The following JARID2 variants were observed in gnomAD, a reference collection of about 807,000 sequenced individuals.
JARID2 encodes jumonji and AT-rich interaction domain containing 2.
In JARID2, 21 loss-of-function variants were observed where a neutral mutation model predicts 125.6. The ratio of observed to expected loss-of-function variants is 0.17; its 90% CI spans 0.12 to 0.24. The LOEUF (loss-of-function observed/expected upper bound fraction) is 0.24. Among genes scored for constraint, JARID2 ranks in the 10% least tolerant of loss-of-function variants. JARID2 has a pLI of 1.00. For synonymous variants in JARID2, 736 were observed against 661.6 expected, an observed-to-expected ratio of 1.11 and a Z score of -1.73; for missense variants, 1,303 against 1,639.6, an observed-to-expected ratio of 0.79 and a Z score of 3.55.
intron 3 of JARID2, among the ~76,000 whole-genome samples, chr6:15,441,409 G>T (rs530885661): frequency 9.9e-5 from 15 of 152,218 alleles, no homozygotes; most frequent in African/African-American, 3.4e-4. Context: ...TTCCCCTTAG[G>T]GGTGATCCCA....
chr6:15,253,767 C>T (rs537065680), intron 1 of JARID2, among the ~76,000 whole-genome samples: 1 of 152,306 alleles, frequency 6.6e-6, no homozygotes, highest in East Asian at 1.9e-4. Flanking sequence ...GATGACGACA[C>T]AACACCCACT....
intron 1 of JARID2, among the ~76,000 whole-genome samples, chr6:15,321,507 T>G (rs1381194610): frequency 6.6e-6 from 1 of 152,186 alleles, no homozygotes; most frequent in Non-Finnish European, 1.5e-5. Context: ...TCTGCTCTGT[T>G]TCTTAAATGT....
intron 1 of JARID2, among the ~76,000 whole-genome samples, chr6:15,255,465 T>C (rs1489416156): frequency 1.3e-5 from 2 of 152,118 alleles, no homozygotes; most frequent in Non-Finnish European, 2.9e-5. Flanking sequence ...GTGAAAAGGA[T>C]AGGTTGTGTG....
At chr6:15,336,094 TG>T (rs1561799469) in intron 1 of JARID2, among the ~76,000 whole-genome samples, 2 of 129,232 alleles carry the variant, frequency 1.5e-5, no homozygotes. Flanking sequence ...GGTGAATGAA[TG>T]AATGAATGAA....
Position 15,451,229 on chromosome 6 carries a change from C to T in JARID2, c.324-777C>T, listed in dbSNP as rs143709067. On this transcript the variant is annotated intron_variant, in intron 3 of 17. Coordinates refer to ENST00000341776, the MANE Select transcript of JARID2 (RefSeq NM_004973.4). ...GAAAGGAATTTCTACGTAAGATATTCAGGTGAAAGGAATTGAAATGTACTC... is the reference window on the plus strand; with the variant it reads ...GAAAGGAATTTCTACGTAAGATATTTAGGTGAAAGGAATTGAAATGTACTC... Among the ~76,000 whole-genome samples, 8 of 152,254 alleles carry T rather than the reference C, an allele frequency of 5.3e-5. No individual in the cohort carries two copies. The East Asian group carries it at 1.5e-3, about 29-fold the overall frequency.
intron 1 of JARID2, among the ~76,000 whole-genome samples, chr6:15,301,501 G>C (rs1026394296): frequency 3.9e-5 from 6 of 152,104 alleles, no homozygotes; most frequent in Non-Finnish European, 8.8e-5. Flanking sequence ...TGACTGTGGA[G>C]GTTAACTTAC....
intron 1 of JARID2, among the ~76,000 whole-genome samples, chr6:15,284,038 T>C (rs1760897815): frequency 6.6e-6 from 1 of 152,206 alleles, no homozygotes; most frequent in African/African-American, 2.4e-5. Flanking sequence ...GTTTTTTCTT[T>C]CATAGAAGTT....
chr6:15,288,944 G>A (rs1761101742), intron 1 of JARID2, among the ~76,000 whole-genome samples: 3 of 152,204 alleles, frequency 2.0e-5, no homozygotes. Flanking sequence ...AGCTTCTCTC[G>A]TTAGTGAGCA....
intron 1 of JARID2, among the ~76,000 whole-genome samples, chr6:15,322,943 G>A (rs1393084467): frequency 6.6e-6 from 1 of 152,210 alleles, no homozygotes; most frequent in Non-Finnish European, 1.5e-5. Context: ...TTAAACCAGA[G>A]AGAAAAATTC....
intron 5 of JARID2, among the ~76,000 whole-genome samples, chr6:15,474,665 A>ATC (rs1375523001): frequency 6.6e-6 from 1 of 152,174 alleles, no homozygotes; most frequent in Non-Finnish European, 1.5e-5. Flanking sequence ...AGCCATTCAG[A>ATC]TCTCTAATGG....
chr6:15,344,339 T>G (rs1257868265), intron 1 of JARID2, among the ~76,000 whole-genome samples: 5 of 152,016 alleles, frequency 3.3e-5, no homozygotes, highest in Admixed American at 6.6e-5. Context: ...TATAGGAATT[T>G]CCCTACTTGC....
intron 8 of JARID2, among the ~76,000 whole-genome samples, chr6:15,504,170 A>T (rs1354837408): frequency 6.6e-6 from 1 of 152,204 alleles, no homozygotes; most frequent in Non-Finnish European, 1.5e-5. Flanking sequence ...TGCCTCCAGC[A>T]CAAGCTGCTT....
At chr6:15,400,941 G>A (rs1001981733) in intron 2 of JARID2, 22 of 1,289,294 alleles carry the variant, frequency 1.7e-5, no homozygotes, top group African/African-American at 6.1e-5. Flanking sequence ...GCAATGATCC[G>A]GCTCTGAGGA....
intron 7 of JARID2, among the ~76,000 whole-genome samples, chr6:15,497,665 A>AAAAAAAAT (rs59510145): frequency 6.7e-6 from 1 of 149,850 alleles, no homozygotes; most frequent in African/African-American, 2.5e-5. Flanking sequence ...AAAAAAAAAA[A>AAAAAAAAT]GTATTGAGCT....
At chr6:15,468,002 G>C (rs1239936203) in intron 4 of JARID2, among the ~76,000 whole-genome samples, 1 of 152,066 alleles carries the variant, frequency 6.6e-6, no homozygotes, top group African/African-American at 2.4e-5. Flanking sequence ...TTATTTGGGT[G>C]ATTTTTGCAT....
intron 1 of JARID2, among the ~76,000 whole-genome samples, chr6:15,300,806 T>C (rs1761596705): frequency 6.6e-6 from 1 of 151,218 alleles, no homozygotes; most frequent in Non-Finnish European, 1.5e-5. Context: ...GTATGATTCT[T>C]AGAGGTGTTA....
intron 1 of JARID2, among the ~76,000 whole-genome samples, chr6:15,345,613 C>G: frequency 6.6e-6 from 1 of 152,148 alleles, no homozygotes; most frequent in Non-Finnish European, 1.5e-5. Flanking sequence ...TTATTCGTTC[C>G]CATTGCTGGG....
chr6:15,412,053 G>GT (rs1765901389), intron 3 of JARID2, among the ~76,000 whole-genome samples: 1 of 152,190 alleles, frequency 6.6e-6, no homozygotes, highest in Admixed American at 6.5e-5. Flanking sequence ...TAGAAAAGAG[G>GT]AACTCTTTTT....
chr6:15,449,397 A>T (rs1767816469), intron 3 of JARID2, among the ~76,000 whole-genome samples: 1 of 151,984 alleles, frequency 6.6e-6, no homozygotes, highest in African/African-American at 2.4e-5. Context: ...TGTAATCCCA[A>T]CACTTTGGGA....
Sources: gnomAD v4.1 joint callset for allele counts (sites outside exome capture counted in the v4.1 genomes callset) on GRCh38, gnomAD v4.1.1 for gene constraint, MANE v1.5 for transcripts, NCBI Gene and HGNC (gene_info 2026-07-23, HGNC 2026-07-21) for gene names.